EPG5: variants seen among roughly 807,000 people sequenced by gnomAD.
EPG5 encodes ectopic P-granules 5 autophagy tethering factor, also known as ectopic P granules protein 5 homolog.
In EPG5, 159 loss-of-function variants were observed where a neutral mutation model predicts 302.7. The ratio of observed to expected loss-of-function variants is 0.53; its 90% CI spans 0.46 to 0.60. The LOEUF (loss-of-function observed/expected upper bound fraction) is 0.60, where lower values mean the gene tolerates loss of function less well. Ranked by LOEUF, EPG5 falls within the 20% of genes least tolerant of loss-of-function variation. The probability of loss-of-function intolerance (pLI) is 0.00; values close to 1 mark genes in which losing one functional copy is unlikely to be tolerated. For synonymous variants in EPG5, 1,158 were observed against 1,136.8 expected (o/e 1.02, Z -0.37); for missense variants, 2,896 against 3,092.4 (o/e 0.94, Z 1.51).
Position 45,866,902 on chromosome 18 carries a change from G to A in EPG5, c.6517C>T (p.Pro2173Ser). Residue 2173 changes from proline (P) to serine (S), a missense_variant, in exon 38 of 44, where the codon CCG becomes TCG. By Grantham distance (74) the Pro-to-Ser change is moderately conservative. Transcript: ENST00000282041. ...TCTTTTGCCAGGATGATGGACGGCGGGTAATGGCTGCTGAAATAACTTAGC... is the reference window on the plus strand; with the variant it reads ...TCTTTTGCCAGGATGATGGACGGCGAGTAATGGCTGCTGAAATAACTTAGC... ...SVLSYFSSHY[P>S]PSIILAKESY... 2 of 1,613,932 alleles carry A rather than the reference G, an allele frequency of 1.2e-6. No individual in the cohort carries two copies. The highest frequency in any genetic ancestry group is 1.1e-5 in the South Asian group (1 of 91,086).
At chr18:45,935,856 T>C (rs1237498156) in intron 10 of EPG5, among the ~76,000 whole-genome samples, 1 of 152,202 alleles carries the variant, frequency 6.6e-6, no homozygotes, top group Non-Finnish European at 1.5e-5. Flanking sequence ...CTCCTTCAGT[T>C]ACCACTGCAT....
rs1414269313 is a variant in EPG5, at chr18:45,913,818, G to T, written c.3704C>A (p.Ala1235Asp). Residue 1235 changes from alanine (A) to aspartate (D), a missense_variant, in exon 21 of 44, where the codon GCC becomes GAC. Ala to Asp is a moderately radical substitution (Grantham distance 126). Coordinates refer to ENST00000282041, the MANE Select transcript of EPG5 (RefSeq NM_020964.3). ...GGATTCCATGTTGAGCACTGTCCAG[G>T]CAAACCAGACCTATAATGACACCAG... is the stretch of plus-strand genomic sequence containing the variant. ...GLATPTQVWF[A>D]WTVLNMESIF... 1.2e-6 allele frequency: 2 copies of T among 1,613,904 alleles called. No homozygotes were observed. Among genetic ancestry groups the T allele is most frequent in the Non-Finnish European group, 1.7e-6 (2 of 1,179,886 alleles).
At chr18:45,881,865 G>A (rs977259774) in intron 31 of EPG5, among the ~76,000 whole-genome samples, 2 of 152,190 alleles carry the variant, frequency 1.3e-5, no homozygotes, top group African/African-American at 2.4e-5. Context: ...CTCCCAAAAT[G>A]TTTGGAACTA....
In EPG5 at chr18:45,903,059, T is replaced by A. The variant is rs148368911; in HGVS notation, c.4474+914A>T. The stretch of plus-strand genomic sequence containing the variant: ...GTGTTCAGGCAACATAGAAACACTA[T>A]GAATGGAAGGGCATGAACGGAAATC... On this transcript the variant is annotated intron_variant, in intron 25 of 43. Coordinates refer to ENST00000282041, the MANE Select transcript of EPG5 (RefSeq NM_020964.3). Among the ~76,000 whole-genome samples the A allele has an allele frequency of 4.4e-3, 666 of 152,286 alleles. 3 individuals carry two copies. Among genetic ancestry groups the A allele is most frequent in the African/African-American group, 0.015 (629 of 41,540 alleles).
chr18:45,941,337 C>A (rs1281785423), intron 9 of EPG5, among the ~76,000 whole-genome samples: 1 of 152,156 alleles, frequency 6.6e-6, no homozygotes, highest in African/African-American at 2.4e-5. Context: ...GATGAAGAGA[C>A]CCAGAACTGG....
At chr18:45,893,096 C>G (rs2049386613) in intron 27 of EPG5, among the ~76,000 whole-genome samples, 1 of 152,122 alleles carries the variant, frequency 6.6e-6, no homozygotes, top group Non-Finnish European at 1.5e-5. Flanking sequence ...GAAGCTGCAG[C>G]TGAAACAGCT....
chr18:45,964,320 A>AGTCAG (rs1449524336), intron 1 of EPG5, among the ~76,000 whole-genome samples: 1 of 152,224 alleles, frequency 6.6e-6, no homozygotes, highest in African/African-American at 2.4e-5. Context: ...CTGGATTGAG[A>AGTCAG]GTCAGGATTT....
chr18:45,966,653 G>C (rs2051270311), intron 1 of EPG5, among the ~76,000 whole-genome samples: 1 of 152,074 alleles, frequency 6.6e-6, no homozygotes, highest in African/African-American at 2.4e-5. Context: ...AAACAATCAA[G>C]ACAATAAGAA....
the EPG5 span, among the ~76,000 whole-genome samples, chr18:45,834,744 A>G: frequency 6.6e-6 from 1 of 152,210 alleles, no homozygotes; most frequent in African/African-American, 2.4e-5. Context: ...GAAGTGTCCA[A>G]TACATGTTTG....
intron 29 of EPG5, among the ~76,000 whole-genome samples, chr18:45,886,736 G>A (rs903544857): frequency 1.3e-5 from 2 of 151,988 alleles, no homozygotes; most frequent in African/African-American, 4.8e-5. Context: ...TCCGCTCACC[G>A]CAACCTCTGC....
In EPG5 at chr18:45,908,011, G is replaced by T. The variant is rs369111537; in HGVS notation, c.4276C>A (p.Leu1426Ile). The change falls in exon 24 of 44, where the codon CTA (leucine) becomes ATA (isoleucine). Residue 1426 changes from leucine (L) to isoleucine (I), a missense_variant. Coordinates refer to ENST00000282041, the MANE Select transcript of EPG5 (RefSeq NM_020964.3). ...CTGTGAATATCATAATGCTTTGGTA[G>T]AGAAGGGATATAGGTATCTCCTTTT... The part of the protein sequence containing the change: ...FQKGDTYIPS[L>I]PKHYDIHRLA... The T allele has an allele frequency of 1.9e-6, 3 of 1,600,994 alleles. No homozygotes were observed. The highest frequency in any genetic ancestry group is 2.6e-6 in the Non-Finnish European group (3 of 1,176,088).
At position 45,847,857 on chromosome 18, in the gene EPG5, A is replaced by T. The variant is rs762206487; in HGVS notation, c.*4610T>A. On this transcript the variant is annotated 3_prime_UTR_variant, in exon 44 of 44. Transcript: ENST00000282041. Reference sequence around the variant, plus strand: ...TATGTGTCTCCACATAAGTGATTTTAAACTATTGAAAGAAAAATAAATTCT... The same window carrying T: ...TATGTGTCTCCACATAAGTGATTTTTAACTATTGAAAGAAAAATAAATTCT... 2.6e-5 allele frequency: 4 copies of T among 152,628 alleles called. No homozygotes were observed. Among genetic ancestry groups the T allele is most frequent in the Admixed American group, 2.6e-4 (4 of 15,276 alleles). 9.5% of individuals were successfully genotyped at this position (152,628 alleles called of 1,614,324 possible).
chr18:45,811,875 C>G, the EPG5 span, among the ~76,000 whole-genome samples: 1 of 152,154 alleles, frequency 6.6e-6, no homozygotes, highest in Non-Finnish European at 1.5e-5. Context: ...GATGCCCTCT[C>G]TCACCACTCC....
Position 45,939,623 on chromosome 18 carries a change from G to C in EPG5, c.2076C>G (p.Val692=). 6 of 1,614,072 alleles carry C rather than the reference G, an allele frequency of 3.7e-6. No homozygotes were observed. In the East Asian group the frequency reaches 1.3e-4, roughly 36 times the overall value. The stretch of plus-strand genomic sequence containing the variant: ...ACCTTTTGGCCTTCAGCACATGTAG[G>C]ACAGCCCTCAAAAACAGTTCATCAA... The part of the protein sequence containing the change: ...VEFDELFLRA[V]LHVLKAKRLG... Residue 692 remains valine, a synonymous_variant, in exon 10 of 44, where the codon GTC becomes GTG. Transcript: ENST00000282041.
chr18:45,916,250 C>G, intron 18 of EPG5, 44 bp from the exon 19 acceptor site: 1 of 1,565,270 alleles, frequency 6.4e-7, no homozygotes, highest in Non-Finnish European at 8.6e-7. Context: ...AACAACCAGC[C>G]TCTCATTTTT....
At chr18:45,964,492 C>A (rs1284209405) in intron 1 of EPG5, among the ~76,000 whole-genome samples, 1 of 152,074 alleles carries the variant, frequency 6.6e-6, no homozygotes, top group Non-Finnish European at 1.5e-5. Context: ...TGCACTACTG[C>A]ATTATAGGTT....
chr18:45,855,208 A>T (rs1413420178), intron 43 of EPG5: 1 of 169,474 alleles, frequency 5.9e-6, no homozygotes, highest in African/African-American at 2.4e-5. Context: ...ATTTCCATCC[A>T]TCCCAACTGT....
At chr18:45,823,468 G>A in the EPG5 span, among the ~76,000 whole-genome samples, 81 of 152,154 alleles carry the variant, frequency 5.3e-4, no homozygotes, top group Middle Eastern at 3.4e-3. Context: ...GCATTCCATC[G>A]GTAAAGCTGT....
At chr18:45,805,490 CAAAT>C in the EPG5 span, among the ~76,000 whole-genome samples, 14 of 136,362 alleles carry the variant, frequency 1.0e-4, no homozygotes, top group Non-Finnish European at 1.4e-4. Context: ...AAAAAGAAAA[CAAAT>C]AAAATGGTGT....
Sources: allele counts gnomAD v4.1 joint callset (sites outside exome capture counted in the v4.1 genomes callset), GRCh38; gene constraint gnomAD v4.1.1; transcripts MANE v1.5; gene names NCBI Gene and HGNC (gene_info 2026-07-23, HGNC 2026-07-21).